Variants in LRP12 observed in about 807,000 individuals in gnomAD.
LRP12 encodes the protein low-density lipoprotein receptor-related protein 12.
A neutral mutation model predicts 66.0 loss-of-function variants in LRP12; 14 were observed. The ratio of observed to expected loss-of-function variants is 0.21; its 90% CI spans 0.14 to 0.33. LRP12 has a LOEUF of 0.33. Among genes scored for constraint, LRP12 ranks in the 10% least tolerant of loss-of-function variants. The pLI is 1.00. For synonymous variants in LRP12, 357 were observed against 359.1 expected (o/e 0.99, Z 0.07); for missense variants, 889 against 1,053.4 (o/e 0.84, Z 2.16).
At chr8:104,560,072 A>T (rs999190401) in intron 1 of LRP12, among the ~76,000 whole-genome samples, 1 of 152,162 alleles carries the variant, frequency 6.6e-6, no homozygotes, top group Non-Finnish European at 1.5e-5. Context: ...TCTTATTATA[A>T]AGATCATGCA....
intron 3 of LRP12, among the ~76,000 whole-genome samples, chr8:104,501,125 T>C (rs1280559049): frequency 1.3e-5 from 2 of 152,208 alleles, no homozygotes; most frequent in African/African-American, 4.8e-5. Context: ...TCTTAAGAAC[T>C]CTACATATTA....
chr8:104,589,236 C>T lies in LRP12; in HGVS notation c.-339G>A, dbSNP rs912207190. On this transcript the variant is annotated 5_prime_UTR_variant, in exon 1 of 7. Transcript: ENST00000276654. ...TCCGGCCTCGCGCCGCTCGGGCTAG[C>T]CGGCGCCGCCACTCGCCAGACTGAG... Among the ~76,000 whole-genome samples, 1 of 151,796 alleles carries T rather than the reference C, an allele frequency of 6.6e-6. No individual in the cohort carries two copies. The highest frequency in any genetic ancestry group is 1.5e-5 in the Non-Finnish European group (1 of 67,866).
intron 1 of LRP12, chr8:104,566,380 T>TG (rs1467376849): frequency 3.8e-6 from 1 of 261,882 alleles, no homozygotes; most frequent in East Asian, 9.2e-5. Context: ...GTGAAAACCA[T>TG]GGGAGCCTTA....
chr8:104,573,746 A>T (rs947927318), intron 1 of LRP12, among the ~76,000 whole-genome samples: 2 of 151,878 alleles, frequency 1.3e-5, no homozygotes, highest in African/African-American at 4.8e-5. Context: ...CACTGAACTC[A>T]ACAAAAAAAA....
chr8:104,541,606 G>A (rs1811478112), intron 1 of LRP12, among the ~76,000 whole-genome samples: 1 of 152,124 alleles, frequency 6.6e-6, no homozygotes, highest in South Asian at 2.1e-4. Context: ...TCTAATGCCT[G>A]AACATTTTCA....
In LRP12 at chr8:104,496,927, G is replaced by C. The variant is rs749241161; in HGVS notation, c.1580+45C>G. The C allele has an allele frequency of 3.4e-6, 5 of 1,453,006 alleles. No homozygotes were observed. The East Asian group carries it at 7.1e-5, about 21-fold the overall frequency. The allele number at this position is 1,453,006 out of a possible 1,614,324, so 90.0% of individuals were successfully genotyped here. ...ATCAAAGAACTTGTTTCAAACACTT[G>C]GGCCTGCTTTTATTGAGGCCCAATA... On this transcript the variant is annotated intron_variant, in intron 5 of 6. Coordinates refer to ENST00000276654, the MANE Select transcript of LRP12 (RefSeq NM_013437.5).
intron 1 of LRP12, among the ~76,000 whole-genome samples, chr8:104,587,103 A>C (rs1812345213): frequency 6.6e-6 from 1 of 152,216 alleles, no homozygotes; most frequent in South Asian, 2.1e-4. Flanking sequence ...CCTCGAGGCA[A>C]AAGACTTCTA....
chr8:104,530,715 T>C (rs1350746068), intron 2 of LRP12, among the ~76,000 whole-genome samples: 5 of 152,214 alleles, frequency 3.3e-5, no homozygotes, highest in African/African-American at 9.6e-5. Context: ...CAGTAACCAT[T>C]TGGTTGTATA....
chr8:104,561,970 A>G (rs1166478468), intron 1 of LRP12, among the ~76,000 whole-genome samples: 4 of 152,184 alleles, frequency 2.6e-5, no homozygotes, highest in African/African-American at 7.2e-5. Context: ...TAGAGGTTCT[A>G]GTTGTGCTCA....
Position 104,583,517 on chromosome 8 carries a change from C to T in LRP12, c.79+5302G>A, listed in dbSNP as rs117378145. On this transcript the variant is annotated intron_variant, in intron 1 of 6. Coordinates refer to ENST00000276654, the MANE Select transcript of LRP12 (RefSeq NM_013437.5). ...TGTGCCTGTTACTCACTATCTCTGC[C>T]CCATGTCTGTTTCTTTGAGAGCACT... Among the ~76,000 whole-genome samples, 15 of 152,240 alleles carry T rather than the reference C, an allele frequency of 9.9e-5. No homozygotes were observed. The East Asian group carries it at 2.7e-3, about 27-fold the overall frequency.
intron 1 of LRP12, among the ~76,000 whole-genome samples, chr8:104,584,190 T>C (rs893475305): frequency 5.3e-5 from 8 of 151,930 alleles, no homozygotes; most frequent in African/African-American, 1.7e-4. Context: ...CCTTAGAAAT[T>C]AGAGATCATC....
intron 1 of LRP12, among the ~76,000 whole-genome samples, chr8:104,548,395 A>G (rs1342764372): frequency 1.1e-5 from 1 of 92,770 alleles, no homozygotes; most frequent in Non-Finnish European, 1.8e-5. Context: ...TATAATATAT[A>G]TTATATAAAT....
chr8:104,508,875 A>T, intron 3 of LRP12, 64 bp downstream of exon 3: 1 of 1,425,756 alleles, frequency 7.0e-7, no homozygotes. Context: ...TTAAGTAATA[A>T]TAAATGAAAA....
At chr8:104,573,125 G>T (rs1446174409) in intron 1 of LRP12, among the ~76,000 whole-genome samples, 1 of 152,132 alleles carries the variant, frequency 6.6e-6, no homozygotes, top group Non-Finnish European at 1.5e-5. Flanking sequence ...CAGCAGCACC[G>T]ATAGTAGTAG....
intron 1 of LRP12, among the ~76,000 whole-genome samples, chr8:104,579,837 C>T (rs1391720654): frequency 6.6e-6 from 1 of 152,100 alleles, no homozygotes; most frequent in Non-Finnish European, 1.5e-5. Context: ...GAAAAGGATT[C>T]CTTATTCAAT....
intron 6 of LRP12, among the ~76,000 whole-genome samples, chr8:104,493,597 T>C (rs1810672615): frequency 1.3e-5 from 2 of 152,220 alleles, no homozygotes; most frequent in South Asian, 4.1e-4. Flanking sequence ...TGATTTAGAC[T>C]GGAAGCTCTG....
At chr8:104,511,835 A>G (rs979815442) in intron 2 of LRP12, among the ~76,000 whole-genome samples, 1 of 152,092 alleles carries the variant, frequency 6.6e-6, no homozygotes, top group East Asian at 1.9e-4. Flanking sequence ...GATTCATGGC[A>G]TACAGCACAG....
intron 1 of LRP12, among the ~76,000 whole-genome samples, chr8:104,547,402 T>C (rs1811593465): frequency 7.4e-6 from 1 of 135,112 alleles, no homozygotes; most frequent in Non-Finnish European, 1.5e-5. Context: ...TAATATACAA[T>C]TCTGTTATAT....
chr8:104,520,487 T>C (rs1292366911), intron 2 of LRP12, among the ~76,000 whole-genome samples: 1 of 152,022 alleles, frequency 6.6e-6, no homozygotes, highest in Non-Finnish European at 1.5e-5. Context: ...GCTCACGATT[T>C]TGTAGGTCAT....
Sources: gnomAD v4.1 joint callset for allele counts (sites outside exome capture counted in the v4.1 genomes callset) on GRCh38, gnomAD v4.1.1 for gene constraint, MANE v1.5 for transcripts, NCBI Gene and HGNC (gene_info 2026-07-23, HGNC 2026-07-21) for gene names.